RIMS2: variants seen among roughly 807,000 people sequenced by gnomAD.
RIMS2 encodes the protein regulating synaptic membrane exocytosis protein 2.
In RIMS2, 59 loss-of-function variants were observed where a neutral mutation model predicts 174.4. The ratio of observed to expected loss-of-function variants is 0.34; its 90% confidence interval spans 0.27 to 0.42. The LOEUF is 0.42. RIMS2 is among the 10% of genes least tolerant of loss of function. The pLI, the probability that RIMS2 is intolerant of heterozygous loss-of-function variation, is 1.00. For missense variants in RIMS2, 1,620 were observed against 1,666.3 expected (o/e 0.97, Z 0.48); for synonymous variants, 606 against 572.5 (o/e 1.06, Z -0.84).
intron 3 of RIMS2, among the ~76,000 whole-genome samples, chr8:103,798,667 C>T (rs1227085511): frequency 6.6e-6 from 1 of 152,132 alleles, no homozygotes; most frequent in Non-Finnish European, 1.5e-5. Flanking sequence ...TTAGATCTTA[C>T]ATTTTAAAAG....
At chr8:104,248,929 C>A (rs1163570143) in intron 21 of RIMS2, 116 bp downstream of exon 27, 44 of 512,868 alleles carry the variant, frequency 8.6e-5, no homozygotes, top group Middle Eastern at 9.6e-4. Flanking sequence ...CTCTCTCTCC[C>A]TCTATTTTTT....
intron 3 of RIMS2, among the ~76,000 whole-genome samples, chr8:103,767,696 A>G (rs892100109): frequency 6.6e-6 from 1 of 152,192 alleles, no homozygotes; most frequent in Non-Finnish European, 1.5e-5. Context: ...GTCATTTTAG[A>G]TGGTGCCTAA....
At chr8:103,873,182 C>T (rs886328062) in intron 3 of RIMS2, among the ~76,000 whole-genome samples, 8 of 152,082 alleles carry the variant, frequency 5.3e-5, no homozygotes, top group African/African-American at 9.7e-5. Context: ...TTCCTGGCTT[C>T]CTCCTATCCC....
At chr8:103,938,122 T>C (rs980491484) in intron 13 of RIMS2, among the ~76,000 whole-genome samples, 4 of 152,154 alleles carry the variant, frequency 2.6e-5, no homozygotes, top group Non-Finnish European at 5.9e-5. Flanking sequence ...CCAGCTGTAA[T>C]GTGGAGAATG....
chr8:103,715,906 AT>A (rs2097362983), intron 2 of RIMS2, among the ~76,000 whole-genome samples: 1 of 151,894 alleles, frequency 6.6e-6, no homozygotes, highest in Non-Finnish European at 1.5e-5. Flanking sequence ...TATGTTTTTT[AT>A]TGTCTTTGTA....
chr8:104,137,227 A>T (rs969348942), intron 19 of RIMS2, among the ~76,000 whole-genome samples: 2 of 152,198 alleles, frequency 1.3e-5, no homozygotes, highest in African/African-American at 2.4e-5. Flanking sequence ...AATAAATCTA[A>T]TAAGTTTGTT....
chr8:103,993,832 G>A (rs991986449), intron 17 of RIMS2, among the ~76,000 whole-genome samples: 7 of 151,906 alleles, frequency 4.6e-5, no homozygotes, highest in African/African-American at 1.7e-4. Flanking sequence ...TTCTCAACCA[G>A]TCTAGGCCAT....
At chr8:103,934,699 C>CTTT (rs398068108) in intron 12 of RIMS2, among the ~76,000 whole-genome samples, 1 of 140,010 alleles carries the variant, frequency 7.1e-6, no homozygotes, top group Non-Finnish European at 1.6e-5. Context: ...ATAAACCATT[C>CTTT]TTTTTTTTTT....
intron 1 of RIMS2, among the ~76,000 whole-genome samples, chr8:103,650,488 G>T (rs2096431649): frequency 6.6e-6 from 1 of 152,200 alleles, no homozygotes; most frequent in Admixed American, 6.5e-5. Context: ...TCTTTGTCTG[G>T]ACTGTTCGTA....
intron 19 of RIMS2, among the ~76,000 whole-genome samples, chr8:104,031,196 T>TAAA (rs2096385137): frequency 1.3e-5 from 2 of 152,130 alleles, no homozygotes; most frequent in Admixed American, 1.3e-4. Flanking sequence ...AATATGGTAA[T>TAAA]AAAATAGCCG....
At chr8:103,726,538 C>A (rs2097529339) in intron 2 of RIMS2, among the ~76,000 whole-genome samples, 2 of 151,458 alleles carry the variant, frequency 1.3e-5, no homozygotes, top group South Asian at 4.2e-4. Flanking sequence ...TTTGTTTAGT[C>A]CTAAATAGGC....
At chr8:103,806,778 T>A (rs2098653067) in intron 3 of RIMS2, among the ~76,000 whole-genome samples, 1 of 152,088 alleles carries the variant, frequency 6.6e-6, no homozygotes, top group Non-Finnish European at 1.5e-5. Flanking sequence ...CATGGATTTG[T>A]GTTCCATTTT....
chr8:103,786,674 G>A (rs1422211744), intron 3 of RIMS2, among the ~76,000 whole-genome samples: 1 of 152,172 alleles, frequency 6.6e-6, no homozygotes, highest in Non-Finnish European at 1.5e-5. Flanking sequence ...ATTTGCTGAG[G>A]AGAGCTTTAC....
chr8:103,602,072 G>C (rs1274109848), intron 1 of RIMS2, among the ~76,000 whole-genome samples: 1 of 152,014 alleles, frequency 6.6e-6, no homozygotes, highest in Non-Finnish European at 1.5e-5. Context: ...TGCCACCTCT[G>C]CCTCCCAGGT....
At chr8:104,113,190 G>T (rs575804083) in intron 19 of RIMS2, among the ~76,000 whole-genome samples, 3 of 152,174 alleles carry the variant, frequency 2.0e-5, no homozygotes, top group Admixed American at 6.6e-5. Flanking sequence ...GTCAAATCAG[G>T]CTCATAAACA....
intron 2 of RIMS2, among the ~76,000 whole-genome samples, chr8:103,756,551 C>T (rs1478946138): frequency 6.6e-6 from 1 of 151,834 alleles, no homozygotes; most frequent in African/African-American, 2.4e-5. Context: ...CCTCCTGTCT[C>T]AGCCCTATGG....
intron 3 of RIMS2, among the ~76,000 whole-genome samples, chr8:103,877,845 T>C (rs918372280): frequency 6.6e-6 from 1 of 151,928 alleles, no homozygotes; most frequent in African/African-American, 2.4e-5. Flanking sequence ...TTTAATGATA[T>C]TGATTCTTCC....
intron 1 of RIMS2, among the ~76,000 whole-genome samples, chr8:103,567,883 G>GT (rs2092493633): frequency 6.6e-6 from 1 of 152,126 alleles, no homozygotes; most frequent in African/African-American, 2.4e-5. Context: ...CCCACTGTGG[G>GT]TTTGCCTTGC....
chr8:103,609,500 A>G (rs2095289971), intron 1 of RIMS2, among the ~76,000 whole-genome samples: 1 of 152,024 alleles, frequency 6.6e-6, no homozygotes, highest in South Asian at 2.1e-4. Context: ...TTTACATTTG[A>G]CTCTTTAATC....
Sources: gnomAD v4.1 joint callset for allele counts (sites outside exome capture counted in the v4.1 genomes callset) on GRCh38, gnomAD v4.1.1 for gene constraint, MANE v1.5 for transcripts, NCBI Gene and HGNC (gene_info 2026-07-23, HGNC 2026-07-21) for gene names.